Variants in CYSLTR1 observed in about 807,000 individuals in gnomAD.
CYSLTR1 encodes cysteinyl leukotriene receptor 1.
In CYSLTR1, 1 loss-of-function variant was observed where a neutral mutation model predicts 2.1. The ratio of observed to expected loss-of-function variants is 0.48; its 90% confidence interval spans 0.17 to 2.28. CYSLTR1 has a LOEUF of 2.28. Among genes scored for constraint, CYSLTR1 ranks in the 30% most tolerant of loss-of-function variants. CYSLTR1 has a pLI of 0.26. For missense variants in CYSLTR1, 299 were observed against 250.1 expected (o/e 1.20, Z -1.32); for synonymous variants, 110 against 89.6 (o/e 1.23, Z -1.28).
chrX:78,310,983 T>G (rs1447230298), intron 1 of CYSLTR1, among the ~76,000 whole-genome samples: 1 of 109,796 alleles, frequency 9.1e-6, no homozygotes, highest in Non-Finnish European at 1.9e-5. Context: ...TCCTAAAGGG[T>G]GTTATATACC....
intron 1 of CYSLTR1, among the ~76,000 whole-genome samples, chrX:78,312,659 C>T (rs1387879864): frequency 8.9e-6 from 1 of 111,807 alleles, no homozygotes; most frequent in Non-Finnish European, 1.9e-5. Flanking sequence ...GGGGAAAGAA[C>T]AGGAACAGAC....
intron 1 of CYSLTR1, among the ~76,000 whole-genome samples, chrX:78,286,988 T>G (rs1922101876): frequency 8.9e-6 from 1 of 111,918 alleles, no homozygotes; most frequent in Non-Finnish European, 1.9e-5. Context: ...TTCAAATATT[T>G]CACACATTTT....
chrX:78,326,946 GA>G (rs1923881608), intron 1 of CYSLTR1, among the ~76,000 whole-genome samples: 1 of 111,720 alleles, frequency 9.0e-6, no homozygotes, highest in Admixed American at 9.5e-5. Context: ...CATATTGAAG[GA>G]AAATGTCACT....
chrX:78,317,085 T>C (rs1044738119), intron 1 of CYSLTR1, among the ~76,000 whole-genome samples: 3 of 112,039 alleles, frequency 2.7e-5, no homozygotes, highest in East Asian at 2.8e-4. Flanking sequence ...AAACTATGCA[T>C]CTGACAAACA....
intron 1 of CYSLTR1, among the ~76,000 whole-genome samples, chrX:78,322,780 A>G (rs902867262): frequency 8.9e-6 from 1 of 111,908 alleles, no homozygotes; most frequent in African/African-American, 3.3e-5. Context: ...CTATGGGGGA[A>G]CTGATACTTC....
chrX:78,296,973 C>T (rs1922600676), intron 1 of CYSLTR1, among the ~76,000 whole-genome samples: 1 of 111,264 alleles, frequency 9.0e-6, no homozygotes, highest in Non-Finnish European at 1.9e-5. Context: ...TGTTCCAGAT[C>T]TTAGAGGAAA....
At chrX:78,274,028 C>T (rs899262379) in intron 2 of CYSLTR1, among the ~76,000 whole-genome samples, 1 of 110,901 alleles carries the variant, frequency 9.0e-6, no homozygotes, top group Non-Finnish European at 1.9e-5. Context: ...TCTTCAAGAC[C>T]TAGGTGAAAC....
intron 1 of CYSLTR1, among the ~76,000 whole-genome samples, chrX:78,317,301 C>G (rs1447800137): frequency 5.4e-5 from 6 of 111,796 alleles, no homozygotes; most frequent in African/African-American, 1.9e-4. Context: ...CTTACTCCTA[C>G]AAGACTTAAT....
At chrX:78,301,920 G>T (rs1162333077) in intron 1 of CYSLTR1, among the ~76,000 whole-genome samples, 1 of 112,256 alleles carries the variant, frequency 8.9e-6, no homozygotes, top group Non-Finnish European at 1.9e-5. Context: ...GAAGGCAAAA[G>T]CCACACCTTA....
intron 1 of CYSLTR1, among the ~76,000 whole-genome samples, chrX:78,293,404 C>T (rs1922440262): frequency 9.0e-6 from 1 of 111,676 alleles, no homozygotes; most frequent in South Asian, 3.8e-4. Context: ...TCTGGCTGCC[C>T]TTTACATTTT....
At chrX:78,301,573 A>G (rs1200448158) in intron 1 of CYSLTR1, among the ~76,000 whole-genome samples, 1 of 111,860 alleles carries the variant, frequency 8.9e-6, no homozygotes, top group African/African-American at 3.3e-5. Flanking sequence ...TCCATCTGAG[A>G]CCACCTCAGC....
At chrX:78,279,860 C>T (rs1009481115) in intron 2 of CYSLTR1, among the ~76,000 whole-genome samples, 1 of 111,705 alleles carries the variant, frequency 9.0e-6, no homozygotes, top group Admixed American at 9.6e-5. Flanking sequence ...AAATCAAATA[C>T]TGCATGTTCT....
At chrX:78,298,592 C>T (rs1922677890) in intron 1 of CYSLTR1, among the ~76,000 whole-genome samples, 1 of 111,212 alleles carries the variant, frequency 9.0e-6, no homozygotes, top group African/African-American at 3.3e-5. Flanking sequence ...ATTGTTGTAT[C>T]CTCTTGCTGA....
At chrX:78,279,995 G>C (rs1921766976) in intron 2 of CYSLTR1, among the ~76,000 whole-genome samples, 1 of 110,405 alleles carries the variant, frequency 9.1e-6, no homozygotes, top group Non-Finnish European at 1.9e-5. Flanking sequence ...ACTACCTATT[G>C]GGCACTATAC....
intron 1 of CYSLTR1, among the ~76,000 whole-genome samples, chrX:78,289,184 G>A (rs759727347): frequency 1.8e-5 from 2 of 109,178 alleles, no homozygotes; most frequent in South Asian, 8.3e-4. Flanking sequence ...TCATTGTTTG[G>A]TTCCCACCTA....
At chrX:78,316,872 C>T (rs1191261355) in intron 1 of CYSLTR1, among the ~76,000 whole-genome samples, 6 of 111,648 alleles carry the variant, frequency 5.4e-5, no homozygotes, top group Non-Finnish European at 1.1e-4. Flanking sequence ...AGACCCAAAA[C>T]CATAAAAACT....
chrX:78,300,174 T>G (rs1922756536), intron 1 of CYSLTR1, among the ~76,000 whole-genome samples: 1 of 112,556 alleles, frequency 8.9e-6, no homozygotes, highest in African/African-American at 3.2e-5. Flanking sequence ...TAAATTTACC[T>G]GATAGAATTC....
intron 1 of CYSLTR1, among the ~76,000 whole-genome samples, chrX:78,309,732 T>C (rs1477859187): frequency 8.9e-6 from 1 of 111,852 alleles, no homozygotes; most frequent in Non-Finnish European, 1.9e-5. Context: ...TGACTTAGTT[T>C]TATAGAATGT....
chrX:78,273,135 A>G lies in CYSLTR1; in HGVS notation c.612T>C (p.Ile204=). ...LFVGFIIPFV[I]IIVCYTMIIL... ...TGATCATTGTGTAACAGACAATTATAATAACAAAAGGGATGATAAAGCCAA... is the reference window on the plus strand; with the variant it reads ...TGATCATTGTGTAACAGACAATTATGATAACAAAAGGGATGATAAAGCCAA... Residue 204 remains isoleucine, a synonymous_variant, in exon 3 of 3, where the codon ATT becomes ATC. Coordinates refer to ENST00000373304, the MANE Select transcript of CYSLTR1 (RefSeq NM_006639.4). The G allele has an allele frequency of 8.3e-7, 1 of 1,208,970 alleles. No individual in the cohort carries two copies. Among genetic ancestry groups the G allele is most frequent in the South Asian group, 1.8e-5 (1 of 56,594 alleles).
Sources: gnomAD v4.1 joint callset for allele counts (sites outside exome capture counted in the v4.1 genomes callset) on GRCh38, gnomAD v4.1.1 for gene constraint, MANE v1.5 for transcripts, NCBI Gene and HGNC (gene_info 2026-07-23, HGNC 2026-07-21) for gene names.